RASGEF1A: variants seen among roughly 807,000 people sequenced by gnomAD.
The protein encoded by RASGEF1A is ras-GEF domain-containing family member 1A.
A neutral mutation model predicts 56.4 loss-of-function variants in RASGEF1A; 18 were observed. The observed-to-expected ratio is 0.32, with a 90% CI of 0.22 to 0.47. RASGEF1A has a LOEUF of 0.47. RASGEF1A is among the 20% of genes least tolerant of loss of function. The pLI, the probability that RASGEF1A is intolerant of heterozygous loss-of-function variation, is 1.00. For missense variants in RASGEF1A, 422 were observed against 627.1 expected, an observed-to-expected ratio of 0.67 and a Z score of 3.49; for synonymous variants, 245 against 242.6, an observed-to-expected ratio of 1.01 and a Z score of -0.09.
At chr10:43,260,451 T>C (rs769496217) in intron 1 of RASGEF1A, among the ~76,000 whole-genome samples, 1 of 152,236 alleles carries the variant, frequency 6.6e-6, no homozygotes, top group Non-Finnish European at 1.5e-5. Context: ...TCTGGCGTCC[T>C]GCCCAGGGCT....
At chr10:43,227,418 T>G (rs1840295023) in intron 1 of RASGEF1A, among the ~76,000 whole-genome samples, 1 of 152,136 alleles carries the variant, frequency 6.6e-6, no homozygotes, top group South Asian at 2.1e-4. Flanking sequence ...GGTGGTGGGC[T>G]AACATGAGAG....
At chr10:43,197,915 C>A in intron 10 of RASGEF1A, 89 bp downstream of exon 10, 1 of 1,198,110 alleles carries the variant, frequency 8.3e-7, no homozygotes. Flanking sequence ...CTCAGGAAAC[C>A]CACAGATCCC....
At chr10:43,211,259 G>A (rs1489737123) in intron 1 of RASGEF1A, among the ~76,000 whole-genome samples, 1 of 152,176 alleles carries the variant, frequency 6.6e-6, no homozygotes, top group Non-Finnish European at 1.5e-5. Flanking sequence ...TCTTGGAAGA[G>A]AGCAGATTTC....
At chr10:43,250,115 T>C (rs974439955) in intron 1 of RASGEF1A, among the ~76,000 whole-genome samples, 1 of 152,206 alleles carries the variant, frequency 6.6e-6, no homozygotes, top group African/African-American at 2.4e-5. Flanking sequence ...ATGTGGTGAA[T>C]GCCATGCACC....
At chr10:43,263,238 C>A (rs553987230) in intron 1 of RASGEF1A, among the ~76,000 whole-genome samples, 1 of 152,182 alleles carries the variant, frequency 6.6e-6, no homozygotes, top group Non-Finnish European at 1.5e-5. Context: ...CAGGGGCCGG[C>A]CAAGCCCAGG....
At chr10:43,242,849 C>A (rs1415664778) in intron 1 of RASGEF1A, among the ~76,000 whole-genome samples, 3 of 152,206 alleles carry the variant, frequency 2.0e-5, no homozygotes, top group Non-Finnish European at 4.4e-5. Context: ...GTTGCCCAGG[C>A]TGGAGTGCAG....
intron 1 of RASGEF1A, among the ~76,000 whole-genome samples, chr10:43,236,475 G>A (rs113655051): frequency 0.043 from 6,617 of 152,320 alleles, 491 homozygotes; most frequent in African/African-American, 0.15. Flanking sequence ...CTATGCATGT[G>A]TGCATGTCTG....
chr10:43,217,433 C>T lies in RASGEF1A; in HGVS notation c.-6-11311G>A, dbSNP rs190797823. Among the ~76,000 whole-genome samples, 6 of 152,372 alleles carry T rather than the reference C, an allele frequency of 3.9e-5. No homozygotes were observed. The East Asian group carries it at 5.8e-4, about 15-fold the overall frequency. On this transcript the variant is annotated intron_variant, in intron 1 of 12. Coordinates refer to ENST00000395810, the MANE Select transcript of RASGEF1A (RefSeq NM_145313.4). ...CCAGGCGCTGGACGACCCGCCTCAG[C>T]GCCTCCATCCCCACTGCACCTAGGC...
chr10:43,230,075 C>T (rs1018738781), intron 1 of RASGEF1A, among the ~76,000 whole-genome samples: 8 of 151,540 alleles, frequency 5.3e-5, no homozygotes, highest in Admixed American at 6.6e-5. Flanking sequence ...GCGGGGCCGG[C>T]GAGGGGGCGC....
At position 43,198,079 on chromosome 10, in the gene RASGEF1A, G is replaced by A. The variant is rs765688170; in HGVS notation, c.1149C>T (p.Asn383=). The change falls in exon 10 of 13, where the codon AAC becomes AAT. Residue 383 remains asparagine (N), a synonymous_variant. Coordinates refer to ENST00000395810, the MANE Select transcript of RASGEF1A (RefSeq NM_145313.4). ...GGAAGTAGATGTCCTTAACGAAGAG[G>A]TTGAACACAGGGATGACGATCTTTT... ...SREKIVIPVF[N]LFVKDIYFLH... 2.5e-6 allele frequency: 4 copies of A among 1,614,040 alleles called. No individual in the cohort carries two copies. In the Admixed American group the frequency reaches 5.0e-5, roughly 20 times the overall value.
At chr10:43,247,421 T>C (rs547949734) in intron 1 of RASGEF1A, among the ~76,000 whole-genome samples, 1 of 152,336 alleles carries the variant, frequency 6.6e-6, no homozygotes, top group Non-Finnish European at 1.5e-5. Context: ...TTCCACAAAA[T>C]ATTTAAAAAC....
intron 1 of RASGEF1A, among the ~76,000 whole-genome samples, chr10:43,239,228 C>T (rs1446873096): frequency 6.6e-6 from 1 of 152,210 alleles, no homozygotes; most frequent in East Asian, 1.9e-4. Context: ...AACACTCCTG[C>T]AATGGGCATT....
At chr10:43,207,449 G>A (rs1035229609) in intron 1 of RASGEF1A, 32 of 916,774 alleles carry the variant, frequency 3.5e-5, no homozygotes, top group African/African-American at 3.4e-4. Context: ...CACACAGCAC[G>A]TCCCTGTCCC....
At chr10:43,229,390 G>T (rs1328091305) in intron 1 of RASGEF1A, among the ~76,000 whole-genome samples, 6 of 152,226 alleles carry the variant, frequency 3.9e-5, no homozygotes, top group Non-Finnish European at 7.3e-5. Context: ...AGGCTCGCAG[G>T]AGCCACTGTG....
chr10:43,258,513 T>G (rs565712093), intron 1 of RASGEF1A, among the ~76,000 whole-genome samples: 4 of 152,342 alleles, frequency 2.6e-5, no homozygotes, highest in African/African-American at 4.8e-5. Flanking sequence ...AGAGGACAAG[T>G]GCATTTCCTT....
chr10:43,207,075 A>G lies in RASGEF1A; in HGVS notation c.-6-953T>C, dbSNP rs1051735515. On this transcript the variant is annotated intron_variant, in intron 1 of 12. Coordinates refer to ENST00000395810, the MANE Select transcript of RASGEF1A (RefSeq NM_145313.4). ...TCCCCAGTGCCCCAGACAGCCAGCC[A>G]TGCCTGGGAGGAGCCAAGTGGGGAC... 7.1e-6 allele frequency: 7 copies of G among 985,402 alleles called. No homozygotes were observed. The Admixed American group carries it at 3.1e-4, about 43-fold the overall frequency. The allele number at this position is 985,402 out of a possible 1,614,324, so 61.0% of individuals were successfully genotyped here.
At chr10:43,213,886 C>T (rs1050050246) in intron 1 of RASGEF1A, among the ~76,000 whole-genome samples, 14 of 152,204 alleles carry the variant, frequency 9.2e-5, no homozygotes, top group African/African-American at 3.1e-4. Context: ...CCCGCCTCAA[C>T]CTCCCAAAGT....
intron 1 of RASGEF1A, among the ~76,000 whole-genome samples, chr10:43,256,377 T>C (rs1243712549): frequency 6.6e-6 from 1 of 152,024 alleles, no homozygotes; most frequent in Non-Finnish European, 1.5e-5. Flanking sequence ...TGCTCAGAGA[T>C]GGGACAAGGG....
At chr10:43,236,127 A>G (rs1840428215) in intron 1 of RASGEF1A, among the ~76,000 whole-genome samples, 1 of 152,314 alleles carries the variant, frequency 6.6e-6, no homozygotes, top group African/African-American at 2.4e-5. Flanking sequence ...TTGAGTCATC[A>G]CTTGGCACCT....
Sources: allele counts gnomAD v4.1 joint callset (sites outside exome capture counted in the v4.1 genomes callset), GRCh38; gene constraint gnomAD v4.1.1; transcripts MANE v1.5; gene names NCBI Gene and HGNC (gene_info 2026-07-23, HGNC 2026-07-21).